The following EYS variants were observed in gnomAD, a reference collection of about 807,000 sequenced individuals.
EYS encodes protein eyes shut homolog.
EYS carries 250 observed loss-of-function variants against 282.1 expected under a neutral mutation model. The observed-to-expected ratio is 0.89, with a 90% CI of 0.80 to 0.98. EYS has a LOEUF of 0.98. EYS is among the 50% of genes least tolerant of loss of function. The pLI is 0.00. For missense variants in EYS, 4,016 were observed against 3,709.0 expected (o/e 1.08, Z -2.15); for synonymous variants, 1,355 against 1,282.9 (o/e 1.06, Z -1.20).
At chr6:64,609,084 T>C (rs186158418) in intron 24 of EYS, among the ~76,000 whole-genome samples, 2 of 152,296 alleles carry the variant, frequency 1.3e-5, no homozygotes, top group East Asian at 3.9e-4. Flanking sequence ...GATTTATTGA[T>C]TGTAACAAAT....
At chr6:65,657,339 T>C (rs892517069) in intron 1 of EYS, among the ~76,000 whole-genome samples, 1 of 151,822 alleles carries the variant, frequency 6.6e-6, no homozygotes, top group African/African-American at 2.4e-5. Flanking sequence ...TCGTGATTTC[T>C]CTGAGGGATC....
At chr6:65,512,309 G>A (rs1032282019) in intron 2 of EYS, among the ~76,000 whole-genome samples, 10 of 151,696 alleles carry the variant, frequency 6.6e-5, no homozygotes, top group Non-Finnish European at 1.0e-4. Context: ...TAATTAACAC[G>A]GTGAAACCCC....
At chr6:64,488,410 A>C (rs892628735) in intron 26 of EYS, among the ~76,000 whole-genome samples, 1 of 151,052 alleles carries the variant, frequency 6.6e-6, no homozygotes, top group Non-Finnish European at 1.5e-5. Flanking sequence ...AAAGAGATGT[A>C]ATTGTTTACA....
At chr6:64,447,459 A>AT (rs59741593) in intron 26 of EYS, among the ~76,000 whole-genome samples, 1,695 of 150,530 alleles carry the variant, frequency 0.011, 27 homozygotes, top group East Asian at 0.068. Context: ...TGAAATTCTG[A>AT]TTTTTTTTTT....
intron 38 of EYS, among the ~76,000 whole-genome samples, 179 bp from the exon 39 acceptor site, chr6:63,788,428 G>T (rs2149670543): frequency 6.6e-6 from 1 of 152,256 alleles, no homozygotes; most frequent in Middle Eastern, 3.4e-3. Flanking sequence ...TGTTACCAGG[G>T]ATATATTAAT....
intron 31 of EYS, among the ~76,000 whole-genome samples, chr6:64,189,052 T>G (rs1052749292): frequency 2.6e-5 from 4 of 152,196 alleles, no homozygotes; most frequent in Admixed American, 6.5e-5. Context: ...ACTCTAAAAC[T>G]GAATGTTTAC....
chr6:63,916,753 TG>T (rs1764432871), intron 35 of EYS, among the ~76,000 whole-genome samples: 1 of 152,242 alleles, frequency 6.6e-6, no homozygotes, highest in Non-Finnish European at 1.5e-5. Context: ...TTTTCTCTCT[TG>T]TTATGTCCGA....
At chr6:64,652,892 G>T (rs1255229470) in intron 22 of EYS, among the ~76,000 whole-genome samples, 1 of 152,084 alleles carries the variant, frequency 6.6e-6, no homozygotes, top group African/African-American at 2.4e-5. Context: ...ACATATGTGT[G>T]TGTGTGTTTG....
At chr6:64,533,197 G>A (rs1764407830) in intron 26 of EYS, among the ~76,000 whole-genome samples, 1 of 152,226 alleles carries the variant, frequency 6.6e-6, no homozygotes, top group South Asian at 2.1e-4. Context: ...AAAGATCAGA[G>A]CATATGATGC....
chr6:65,579,549 A>G (rs1764797719), intron 2 of EYS, among the ~76,000 whole-genome samples: 3 of 152,088 alleles, frequency 2.0e-5, no homozygotes, highest in Admixed American at 2.0e-4. Flanking sequence ...GGGTGCCAGC[A>G]CGGTGAGGTT....
At chr6:65,269,512 C>T (rs747578340) in intron 12 of EYS, among the ~76,000 whole-genome samples, 1 of 152,154 alleles carries the variant, frequency 6.6e-6, no homozygotes, top group African/African-American at 2.4e-5. Context: ...ACAGCAGCTG[C>T]TGTGATATGT....
rs373606628 is a variant in EYS, at chr6:64,660,852, A to T, written c.3444-34607T>A. Among the ~76,000 whole-genome samples, 92 of 152,324 alleles carry T rather than the reference A, an allele frequency of 6.0e-4. 2 individuals carry two copies. The East Asian group carries it at 7.1e-3, about 12-fold the overall frequency. On this transcript the variant is annotated intron_variant, in intron 22 of 42. Coordinates refer to ENST00000503581, the MANE Select transcript of EYS (RefSeq NM_001142800.2). ...GATTCAATGCCATCCCCATCAAGCT[A>T]CCAATTACTTTCTTCACAGAATTGG... is the stretch of plus-strand genomic sequence containing the variant.
intron 35 of EYS, among the ~76,000 whole-genome samples, chr6:63,891,467 C>G (rs1316713990): frequency 6.6e-6 from 1 of 152,100 alleles, no homozygotes; most frequent in Non-Finnish European, 1.5e-5. Flanking sequence ...ATCACATAAA[C>G]AGAACCAATG....
chr6:64,081,751 TG>T, intron 32 of EYS, 104 bp downstream of exon 32: 1 of 992,998 alleles, frequency 1.0e-6, no homozygotes, highest in Non-Finnish European at 1.4e-6. Flanking sequence ...TGCACTGGTC[TG>T]GAAAAATTCT....
chr6:65,238,012 T>A (rs1766968872), intron 12 of EYS, among the ~76,000 whole-genome samples: 1 of 152,024 alleles, frequency 6.6e-6, no homozygotes. Context: ...CAGTTCTCTT[T>A]CAATTACCAA....
At chr6:65,145,986 T>C (rs1410710191) in intron 12 of EYS, among the ~76,000 whole-genome samples, 7 of 151,838 alleles carry the variant, frequency 4.6e-5, no homozygotes, top group Non-Finnish European at 8.8e-5. Flanking sequence ...TTTATATATG[T>C]TTATATCCTA....
At chr6:64,961,577 C>T (rs1300181652) in intron 14 of EYS, among the ~76,000 whole-genome samples, 1 of 151,870 alleles carries the variant, frequency 6.6e-6, no homozygotes, top group Non-Finnish European at 1.5e-5. Flanking sequence ...CACTGTTCAC[C>T]TCTCAGTCAT....
intron 22 of EYS, among the ~76,000 whole-genome samples, chr6:64,800,982 T>G (rs971810487): frequency 6.6e-6 from 1 of 152,054 alleles, no homozygotes; most frequent in Non-Finnish European, 1.5e-5. Context: ...TTACTATTTT[T>G]TACGCCCCTC....
chr6:64,454,522 G>A (rs1341637423), intron 26 of EYS, among the ~76,000 whole-genome samples: 1 of 152,016 alleles, frequency 6.6e-6, no homozygotes, highest in African/African-American at 2.4e-5. Context: ...GATCTGTGCA[G>A]GTCCACTTAA....
Sources: allele counts gnomAD v4.1 joint callset (sites outside exome capture counted in the v4.1 genomes callset), GRCh38; gene constraint gnomAD v4.1.1; transcripts MANE v1.5; gene names NCBI Gene and HGNC (gene_info 2026-07-23, HGNC 2026-07-21).